Variants in LARP1 observed in about 807,000 individuals in gnomAD.
The protein encoded by LARP1 is la-related protein 1.
In LARP1, 36 loss-of-function variants were observed where a neutral mutation model predicts 122.7. That is an observed-to-expected ratio of 0.29 (90% CI 0.22 to 0.39). LARP1 has a LOEUF of 0.39. LARP1 is among the 10% of genes least tolerant of loss of function. The pLI is 1.00. For synonymous variants in LARP1, 539 were observed against 528.7 expected (o/e 1.02, Z -0.27); for missense variants, 1,040 against 1,403.6 (o/e 0.74, Z 4.14).
At chr5:154,761,666 G>A (rs1243618808) in intron 1 of LARP1, among the ~76,000 whole-genome samples, 1 of 152,180 alleles carries the variant, frequency 6.6e-6, no homozygotes, top group African/African-American at 2.4e-5. Context: ...TAAGGGAGTG[G>A]CCAGGAGAGA....
chr5:154,733,047 G>A (rs1233510600), intron 1 of LARP1, among the ~76,000 whole-genome samples: 5 of 152,096 alleles, frequency 3.3e-5, no homozygotes, highest in African/African-American at 1.2e-4. Flanking sequence ...CAGTCTCAGG[G>A]TCCCCAGGAT....
At chr5:154,760,047 C>G (rs1030415065) in intron 1 of LARP1, among the ~76,000 whole-genome samples, 4 of 152,192 alleles carry the variant, frequency 2.6e-5, no homozygotes, top group African/African-American at 9.6e-5. Context: ...TCAAGCGATT[C>G]TCCTGCCTCA....
At chr5:154,757,676 A>G (rs1261731432) in intron 1 of LARP1, among the ~76,000 whole-genome samples, 1 of 152,146 alleles carries the variant, frequency 6.6e-6, no homozygotes, top group East Asian at 1.9e-4. Context: ...CAGAATAGCC[A>G]GTCCTGAAAA....
chr5:154,756,189 C>G lies in LARP1; in HGVS notation c.432C>G (p.Pro144=). Reference sequence around the variant, plus strand: ...TGACCACCGTGAACGGACAGTCCCCCCCAGGTGGGTCTCCCTCCTTGCCCT... The same window carrying G: ...TGACCACCGTGAACGGACAGTCCCCGCCAGGTGGGTCTCCCTCCTTGCCCT... ...PVLTTVNGQS[P]PEHSAPAKVV... is the part of the protein sequence containing the mutation. The change falls in exon 1 of 19, where the codon CCC becomes CCG. Residue 144 remains proline, a synonymous_variant. Coordinates refer to ENST00000518297, the MANE Select transcript of LARP1 (RefSeq NM_033551.3). 7.7e-7 allele frequency: 1 copy of G among 1,297,630 alleles called. No homozygotes were observed. The highest frequency in any genetic ancestry group is 1.2e-5 in the South Asian group (1 of 81,994). The allele number at this position is 1,297,630 out of a possible 1,614,324, so 80.4% of individuals were successfully genotyped here.
In LARP1 at chr5:154,815,007, A is replaced by G. The variant is rs1759573233; in HGVS notation, c.*911A>G. On this transcript the variant is annotated 3_prime_UTR_variant, in exon 19 of 19. Transcript: ENST00000518297. ...TTTTTGGAAATAATATTTTTTTAAA[A>G]GTTGCCTTATTGTGGAGCGGGAATC... The G allele has an allele frequency of 6.6e-6, 1 of 152,314 alleles. No homozygotes were observed. Among genetic ancestry groups the G allele is most frequent in the African/African-American group, 2.4e-5 (1 of 41,354 alleles). 9.4% of individuals were successfully genotyped at this position (152,314 alleles called of 1,614,324 possible). A position where few individuals can be genotyped will look rare whatever the true frequency, so the allele number is the denominator to read the frequency against.
At chr5:154,740,499 G>A (rs1026113894) in intron 1 of LARP1, among the ~76,000 whole-genome samples, 4 of 151,658 alleles carry the variant, frequency 2.6e-5, no homozygotes, top group African/African-American at 9.7e-5. Context: ...TTAACAGTTT[G>A]TAATTCTCCC....
chr5:154,806,244 G>T (rs965146716), intron 15 of LARP1, among the ~76,000 whole-genome samples: 1 of 152,164 alleles, frequency 6.6e-6, no homozygotes, highest in East Asian at 1.9e-4. Flanking sequence ...CACAACGTTC[G>T]TGTTCTTTGA....
intron 1 of LARP1, among the ~76,000 whole-genome samples, chr5:154,748,085 AG>A (rs1753299396): frequency 6.6e-6 from 1 of 152,156 alleles, no homozygotes; most frequent in South Asian, 2.1e-4. Context: ...CCTGGCCTCA[AG>A]GGATTCTCCT....
At chr5:154,800,141 A>C in intron 10 of LARP1, 99 bp downstream of exon 10, 2 of 1,102,704 alleles carry the variant, frequency 1.8e-6, no homozygotes, top group East Asian at 2.5e-5. Flanking sequence ...CTGAGGGGCC[A>C]GCAGGAAATC....
At chr5:154,728,674 G>A (rs928548513) in intron 1 of LARP1, among the ~76,000 whole-genome samples, 3 of 152,012 alleles carry the variant, frequency 2.0e-5, no homozygotes, top group Non-Finnish European at 4.4e-5. Context: ...GGAAAGTTGA[G>A]TATGAAGAAT....
At chr5:154,692,403 A>G (rs1400283961) in intron 1 of LARP1, among the ~76,000 whole-genome samples, 1 of 152,180 alleles carries the variant, frequency 6.6e-6, no homozygotes. Context: ...GTCACTTAGC[A>G]TAGTTCCTGG....
intron 1 of LARP1, among the ~76,000 whole-genome samples, chr5:154,684,013 A>G (rs967164625): frequency 6.6e-6 from 1 of 152,150 alleles, no homozygotes; most frequent in Non-Finnish European, 1.5e-5. Flanking sequence ...GGTTATAAGA[A>G]GTTGTTTTCG....
intron 1 of LARP1, among the ~76,000 whole-genome samples, chr5:154,741,548 G>C (rs1209140870): frequency 2.0e-5 from 3 of 152,154 alleles, no homozygotes; most frequent in Admixed American, 6.5e-5. Context: ...TTAAGCTGAG[G>C]CTTGAAGGAT....
chr5:154,795,831 A>ATTT (rs1757709092), intron 8 of LARP1, among the ~76,000 whole-genome samples: 1 of 135,970 alleles, frequency 7.4e-6, no homozygotes, highest in East Asian at 2.0e-4. Context: ...ATTTATATAT[A>ATTT]TATTTTATAT....
intron 15 of LARP1, among the ~76,000 whole-genome samples, chr5:154,807,827 T>TA (rs1293154284): frequency 1.3e-5 from 2 of 152,236 alleles, no homozygotes; most frequent in Non-Finnish European, 2.9e-5. Flanking sequence ...GTGCTGGAAT[T>TA]ACAGACGTGA....
exon 1 of LARP1, chr5:154,712,847 G>C: frequency 2.3e-6 from 3 of 1,326,892 alleles, no homozygotes; most frequent in Non-Finnish European, 3.2e-6. Context: ...TCCCGGGCCA[G>C]AGCCAGGAGG....
At position 154,790,335 on chromosome 5, in the gene LARP1, T is replaced by G; in HGVS notation, c.447T>G (p.Ala149=). The G allele has an allele frequency of 6.2e-7, 1 of 1,613,548 alleles. No individual in the cohort carries two copies. The highest frequency in any genetic ancestry group is 8.5e-7 in the Non-Finnish European group (1 of 1,179,770). The change falls in exon 2 of 19, where the codon GCT becomes GCG. Residue 149 remains alanine, a synonymous_variant. Transcript: ENST00000518297. ...VNGQSPPEHS[A]PAKVVRAAVP... Reference sequence around the variant, plus strand: ...TTCTTGTTCCCACAGAACACTCTGCTCCAGCCAAGGTGGTGAGGGCAGCTG... The same window carrying G: ...TTCTTGTTCCCACAGAACACTCTGCGCCAGCCAAGGTGGTGAGGGCAGCTG...
At chr5:154,698,562 A>G (rs954753595) in intron 1 of LARP1, among the ~76,000 whole-genome samples, 6 of 152,290 alleles carry the variant, frequency 3.9e-5, no homozygotes, top group Admixed American at 2.0e-4. Context: ...ACACCACTGC[A>G]CTCCAGCCTG....
At chr5:154,697,947 TC>T (rs1754541332) in intron 1 of LARP1, among the ~76,000 whole-genome samples, 1 of 152,038 alleles carries the variant, frequency 6.6e-6, no homozygotes, top group Admixed American at 6.6e-5. Context: ...CGCCTCAGTC[TC>T]CCAAGTAGCT....
Sources: allele counts gnomAD v4.1 joint callset (sites outside exome capture counted in the v4.1 genomes callset), GRCh38; gene constraint gnomAD v4.1.1; transcripts MANE v1.5; gene names NCBI Gene and HGNC (gene_info 2026-07-23, HGNC 2026-07-21).